Variants in ABHD2 observed in about 807,000 individuals in gnomAD.
ABHD2 encodes the protein monoacylglycerol lipase ABHD2.
In ABHD2, 20 loss-of-function variants were observed where a neutral mutation model predicts 48.1. The observed-to-expected ratio is 0.42, with a 90% confidence interval of 0.29 to 0.60. The LOEUF (loss-of-function observed/expected upper bound fraction) is 0.60, where lower values mean the gene tolerates loss of function less well. Ranked by LOEUF, ABHD2 falls within the 20% of genes least tolerant of loss-of-function variation. The pLI is 0.24. For synonymous variants in ABHD2, 209 were observed against 214.2 expected (o/e 0.98, Z 0.21); for missense variants, 405 against 550.9 (o/e 0.74, Z 2.65).
Position 89,195,382 on chromosome 15 carries a change from C to A in ABHD2, c.1237C>A (p.Gln413Lys). The change falls in exon 11 of 11, where the codon CAG becomes AAG. Residue 413 changes from glutamine (Q) to lysine (K), a missense_variant. Gln to Lys is a moderately conservative substitution (Grantham distance 53). Transcript: ENST00000352732. The surrounding 1 kb of genome is among the most constrained non-coding windows in gnomAD (Gnocchi z 5.1). The part of the protein sequence containing the change: ...AICQWERNKL[Q>K]CSDTEQVEAD... ...TTGCCAATGGGAGCGTAACAAGTTGCAGTGCTCTGACACGGAGCAGGTGGA... is the reference window on the plus strand; with the variant it reads ...TTGCCAATGGGAGCGTAACAAGTTGAAGTGCTCTGACACGGAGCAGGTGGA... 2 of 1,614,184 alleles carry A rather than the reference C, an allele frequency of 1.2e-6. No individual in the cohort carries two copies. Among genetic ancestry groups the A allele is most frequent in the Non-Finnish European group, 1.7e-6 (2 of 1,180,034 alleles).
intron 6 of ABHD2, among the ~76,000 whole-genome samples, chr15:89,180,486 G>A (rs115439146): frequency 9.5e-4 from 144 of 152,248 alleles, no homozygotes; most frequent in African/African-American, 3.2e-3. Context: ...AAAACTCTTG[G>A]CCCACTCCCT....
rs1314303563 is a variant in ABHD2 at position 89,116,034 on chromosome 15, T to A, written c.-6-288T>A. Reference sequence around the variant, plus strand: ...CGATAAAGGACACTATTCTTAGCATTTTTCAATTTTCTGATTTGCTCATCT... The same window carrying A: ...CGATAAAGGACACTATTCTTAGCATATTTCAATTTTCTGATTTGCTCATCT... On this transcript the variant is annotated intron_variant, in intron 2 of 10. Coordinates refer to ENST00000352732, the MANE Select transcript of ABHD2 (RefSeq NM_152924.5). The surrounding 1 kb of genome is among the most constrained non-coding windows in gnomAD (Gnocchi z 4.6). Among the ~76,000 whole-genome samples, 1 of 152,242 alleles carries A rather than the reference T, an allele frequency of 6.6e-6. No homozygotes were observed. Among genetic ancestry groups the A allele is most frequent in the African/African-American group, 2.4e-5 (1 of 41,466 alleles).
rs1181871589 is a variant in ABHD2 at position 89,097,681 on chromosome 15, C to A, written c.-107+9118C>A. ...GTGTTATAACATTCAAAAGGTACAACATAGTAAAGAGTGGAAAACTTCCTC... is the reference window on the plus strand; with the variant it reads ...GTGTTATAACATTCAAAAGGTACAAAATAGTAAAGAGTGGAAAACTTCCTC... On this transcript the variant is annotated intron_variant, in intron 1 of 10. Coordinates refer to ENST00000352732, the MANE Select transcript of ABHD2 (RefSeq NM_152924.5). This position sits in a 1 kb window ranked among gnomAD's most constrained non-coding sequence, Gnocchi z 4.2. Among the ~76,000 whole-genome samples, 2 of 152,146 alleles carry A rather than the reference C, an allele frequency of 1.3e-5. No individual in the cohort carries two copies. The highest frequency in any genetic ancestry group is 2.9e-5 in the Non-Finnish European group (2 of 68,030).
the ABHD2 span, among the ~76,000 whole-genome samples, chr15:89,042,626 ATTTAT>A: frequency 1.2e-5 from 1 of 83,906 alleles, no homozygotes; most frequent in Non-Finnish European, 2.5e-5. Flanking sequence ...TTATTTATTT[ATTTAT>A]TTTGGAGACT....
chr15:89,161,127 G>A (rs367998791), intron 5 of ABHD2, among the ~76,000 whole-genome samples: 1 of 152,150 alleles, frequency 6.6e-6, no homozygotes. Context: ...ACCTGTGCCA[G>A]TGGCTTAGCT....
chr15:89,065,270 T>C, the ABHD2 span, among the ~76,000 whole-genome samples: 1 of 152,256 alleles, frequency 6.6e-6, no homozygotes, highest in East Asian at 1.9e-4. Context: ...CTGCCTCTAC[T>C]CCCATCCACC....
chr15:89,175,191 C>T lies in ABHD2; in HGVS notation c.539-621C>T, dbSNP rs566627322. 1.3e-5 allele frequency among the ~76,000 whole-genome samples: 2 copies of T among 152,300 alleles called. No homozygotes were observed. The highest frequency in any genetic ancestry group is 4.8e-5 in the African/African-American group (2 of 41,564). On this transcript the variant is annotated intron_variant, in intron 5 of 10. Coordinates refer to ENST00000352732, the MANE Select transcript of ABHD2 (RefSeq NM_152924.5). The surrounding 1 kb of genome is among the most constrained non-coding windows in gnomAD (Gnocchi z 5.7). ...AATTTGTAGCCTAGGAAGCTAATCT[C>T]AAAGGATTTTGCTCTTGCATTTATT...
the ABHD2 span, among the ~76,000 whole-genome samples, chr15:89,054,505 A>G: frequency 6.6e-6 from 1 of 151,158 alleles, no homozygotes; most frequent in Non-Finnish European, 1.5e-5. Flanking sequence ...ACAGGATGAA[A>G]CCCCATCTCT....
the ABHD2 span, among the ~76,000 whole-genome samples, chr15:89,043,454 G>GAGGAGGAGAAGGAGA: frequency 3.5e-5 from 5 of 143,798 alleles, no homozygotes; most frequent in African/African-American, 1.3e-4. Context: ...GAAGGAGGAG[G>GAGGAGGAGAAGGAGA]AGGAGAAGGA....
At chr15:89,077,426 C>T in the ABHD2 span, among the ~76,000 whole-genome samples, 3 of 152,140 alleles carry the variant, frequency 2.0e-5, no homozygotes, top group Non-Finnish European at 4.4e-5. Flanking sequence ...TAAGCTATTA[C>T]GAATGGTGCT....
the ABHD2 span, among the ~76,000 whole-genome samples, chr15:89,072,620 G>A: frequency 1.3e-5 from 2 of 151,792 alleles, no homozygotes; most frequent in African/African-American, 4.8e-5. Context: ...GGAAAGTTAA[G>A]TTTGGGGTTT....
At chr15:89,049,252 A>G in the ABHD2 span, among the ~76,000 whole-genome samples, 230 of 152,286 alleles carry the variant, frequency 1.5e-3, 1 homozygote, top group African/African-American at 5.2e-3. Context: ...CCGTTCTCAG[A>G]TCTCCAGCTG....
rs974746070 is a variant in ABHD2 at position 89,186,110 on chromosome 15, G to A, written c.815+594G>A. 1.1e-4 allele frequency among the ~76,000 whole-genome samples: 17 copies of A among 152,196 alleles called. No homozygotes were observed. Among genetic ancestry groups the A allele is most frequent in the African/African-American group, 4.1e-4 (17 of 41,444 alleles). On this transcript the variant is annotated intron_variant, in intron 7 of 10. Coordinates refer to ENST00000352732, the MANE Select transcript of ABHD2 (RefSeq NM_152924.5). The surrounding 1 kb of genome is among the most constrained non-coding windows in gnomAD (Gnocchi z 4.3). ...GAGCAGTCACGAGGTGGCTGTCATT[G>A]TTGAGGAGACCTTCCCTGTAGGATG...
At chr15:89,044,097 C>A in the ABHD2 span, among the ~76,000 whole-genome samples, 131 of 152,238 alleles carry the variant, frequency 8.6e-4, no homozygotes, top group African/African-American at 2.9e-3. Context: ...TGTTCCCCTT[C>A]CTGTGTCCAT....
intron 5 of ABHD2, among the ~76,000 whole-genome samples, chr15:89,156,076 A>G (rs1268622876): frequency 6.8e-6 from 1 of 147,264 alleles, no homozygotes; most frequent in Non-Finnish European, 1.5e-5. Flanking sequence ...GTGGTGGCTC[A>G]TGCCTGTAAT....
chr15:89,044,677 T>G, the ABHD2 span, among the ~76,000 whole-genome samples: 1 of 151,962 alleles, frequency 6.6e-6, no homozygotes. Context: ...TTTTTTCATG[T>G]GTTTTTTGGC....
At chr15:89,058,234 T>C in the ABHD2 span, among the ~76,000 whole-genome samples, 1 of 152,138 alleles carries the variant, frequency 6.6e-6, no homozygotes, top group Non-Finnish European at 1.5e-5. Context: ...CCACCCACGC[T>C]CATCCTTTCA....
chr15:89,135,861 AACAGG>A lies in ABHD2; in HGVS notation c.195-15811_195-15807del, dbSNP rs2050300965. The A allele has an allele frequency of 1.7e-5, 12 of 701,382 alleles. No individual in the cohort carries two copies. In the South Asian group the frequency reaches 1.9e-4, roughly 11 times the overall value. The allele number at this position is 701,382 out of a possible 1,614,324, so 43.4% of individuals were successfully genotyped here. On this transcript the variant is annotated intron_variant, in intron 3 of 10. Coordinates refer to ENST00000352732, the MANE Select transcript of ABHD2 (RefSeq NM_152924.5). ...TTGGGCGATACTCAGAACAGAACAG[AACAGG>A]ACAGAACAGAACAGGAAGAAGGCCG...
chr15:89,128,332 C>T (rs954320239), intron 3 of ABHD2, among the ~76,000 whole-genome samples: 3 of 152,186 alleles, frequency 2.0e-5, no homozygotes, highest in African/African-American at 4.8e-5. Flanking sequence ...TAAACAAGCA[C>T]TCATGGCAGA....
Sources: gnomAD v4.1 joint callset for allele counts (sites outside exome capture counted in the v4.1 genomes callset) on GRCh38, gnomAD v4.1.1 for gene constraint, Gnocchi (gnomAD v3.1) non-coding constraint, MANE v1.5 for transcripts, NCBI Gene and HGNC (gene_info 2026-07-23, HGNC 2026-07-21) for gene names.